The following NUCB1 variants were observed in gnomAD, a reference collection of about 807,000 sequenced individuals.
NUCB1 encodes nucleobindin 1.
A neutral mutation model predicts 61.2 loss-of-function variants in NUCB1; 47 were observed. The ratio of observed to expected loss-of-function variants is 0.77; its 90% CI spans 0.61 to 0.98. NUCB1 has a LOEUF of 0.98. NUCB1 is among the 50% of genes least tolerant of loss of function. NUCB1 has a pLI of 0.00. For missense variants in NUCB1, 583 were observed against 605.3 expected, an observed-to-expected ratio of 0.96 and a Z score of 0.39; for synonymous variants, 234 against 243.1, an observed-to-expected ratio of 0.96 and a Z score of 0.35.
chr19:48,905,161 G>A (rs747054587), intron 3 of NUCB1, among the ~76,000 whole-genome samples: 2 of 152,200 alleles, frequency 1.3e-5, no homozygotes, highest in Admixed American at 6.5e-5. Context: ...GTTTGGAAGA[G>A]CATGGTGACA....
At chr19:48,911,353 G>A (rs2037469929) in intron 5 of NUCB1, 101 bp downstream of exon 5, 3 of 785,772 alleles carry the variant, frequency 3.8e-6, no homozygotes, top group African/African-American at 1.7e-5. Context: ...ATTCCTGCTG[G>A]TGTTCTCTGA....
intron 7 of NUCB1, 97 bp downstream of exon 7, chr19:48,913,661 C>CT: frequency 1.0e-6 from 1 of 998,754 alleles, no homozygotes; most frequent in African/African-American, 1.6e-5. Flanking sequence ...CCCAGGAGGG[C>CT]TTAGTCAGGC....
chr19:48,900,447 G>C (rs1258662627), intron 1 of NUCB1, 75 bp downstream of exon 1: 1 of 298,296 alleles, frequency 3.4e-6, no homozygotes, highest in Non-Finnish European at 6.3e-6. Flanking sequence ...CTGGGTCCCG[G>C]AGGAGGATGC....
At chr19:48,921,361 T>G (rs1199450342) in intron 11 of NUCB1, 37 bp downstream of exon 11, 1 of 1,554,010 alleles carries the variant, frequency 6.4e-7, no homozygotes, top group Admixed American at 1.9e-5. Context: ...CCACTGAATC[T>G]CTGGCTGCCC....
intron 2 of NUCB1, among the ~76,000 whole-genome samples, chr19:48,902,420 C>T (rs868642586): frequency 1.3e-4 from 17 of 130,020 alleles, no homozygotes; most frequent in South Asian, 2.4e-4. Flanking sequence ...TTTCCTTTTT[C>T]TTTTTTTTTT....
chr19:48,907,220 A>C (rs1313925204), intron 4 of NUCB1, among the ~76,000 whole-genome samples: 2 of 144,634 alleles, frequency 1.4e-5, no homozygotes, highest in Non-Finnish European at 3.0e-5. Flanking sequence ...TGATCCGCCC[A>C]CCTCGGCCTC....
At chr19:48,912,979 G>C (rs1309268667) in intron 5 of NUCB1, 32 bp from the exon 6 acceptor site, 1 of 1,551,860 alleles carries the variant, frequency 6.4e-7, no homozygotes, top group South Asian at 1.2e-5. Context: ...GGCAGAGGGG[G>C]CAGAGGGGAA....
At chr19:48,909,933 C>A (rs2037453649) in intron 4 of NUCB1, among the ~76,000 whole-genome samples, 2 of 152,066 alleles carry the variant, frequency 1.3e-5, no homozygotes, top group South Asian at 4.1e-4. Flanking sequence ...CTGTAAAGAC[C>A]TAGTCTCCAA....
chr19:48,911,968 C>T (rs1037299030), intron 5 of NUCB1, among the ~76,000 whole-genome samples: 10 of 151,322 alleles, frequency 6.6e-5, no homozygotes, highest in East Asian at 1.9e-4. Context: ...TAGATTTGAA[C>T]GCTGGGCAAA....
Position 48,922,313 on chromosome 19 carries a change from TCCAGACGATGTACCTGTC to T in NUCB1, c.1280_1297del (p.Asp427_Pro432del). The stretch of plus-strand genomic sequence containing the variant: ...TGTGCCACCATTCCCTCCCTCCATT[TCCAGACGATGTACCTGTC>T]CCAGCTCCAGCCGGTGACCAGAAGG... On this transcript the variant is annotated splice_acceptor_variant and splice_polypyrimidine_tract_variant and coding_sequence_variant and intron_variant, in exon 13 of 13. Coordinates refer to ENST00000405315, the MANE Select transcript of NUCB1 (RefSeq NM_006184.6). LOFTEE classifies it high-confidence loss of function. 2 of 1,612,746 alleles carry T rather than the reference TCCAGACGATGTACCTGTC, an allele frequency of 1.2e-6. No homozygotes were observed. Among genetic ancestry groups the T allele is most frequent in the East Asian group, 2.2e-5 (1 of 44,858 alleles).
chr19:48,900,571 T>G, intron 1 of NUCB1, 199 bp downstream of exon 1: 1 of 594,358 alleles, frequency 1.7e-6, no homozygotes, highest in African/African-American at 1.9e-5. Context: ...GAGAGGAGCG[T>G]GTTGGGAGCC....
intron 5 of NUCB1, among the ~76,000 whole-genome samples, chr19:48,912,059 C>T (rs1396499830): frequency 7.3e-6 from 1 of 137,804 alleles, no homozygotes; most frequent in Non-Finnish European, 1.5e-5. Flanking sequence ...GCGTCTTGCT[C>T]TGATGCCCAG....
At position 48,916,171 on chromosome 19, in the gene NUCB1, C is replaced by CGTGTGTGT. The variant is rs143557740; in HGVS notation, c.758-2534_758-2527dup. Among the ~76,000 whole-genome samples, 333 of 147,788 alleles carry CGTGTGTGT rather than the reference C, an allele frequency of 2.3e-3. 2 individuals carry two copies. The highest frequency in any genetic ancestry group is 7.7e-3 in the African/African-American group (311 of 40,326). On this transcript the variant is annotated intron_variant, in intron 7 of 12. Coordinates refer to ENST00000405315, the MANE Select transcript of NUCB1 (RefSeq NM_006184.6). ...GCAAGTAGAATCTTTTGGTATTTGT[C>CGTGTGTGT]GTGTGTGTGTGTGTGTGTGTGTGTG... is the stretch of plus-strand genomic sequence containing the variant.
Position 48,902,420 on chromosome 19 carries a change from CTTT to C in NUCB1, c.135+1505_135+1507del, listed in dbSNP as rs58758940. Among the ~76,000 whole-genome samples, 50 of 130,012 alleles carry C rather than the reference CTTT, an allele frequency of 3.8e-4. 1 individual carries two copies. Among genetic ancestry groups the C allele is most frequent in the Middle Eastern group, 4.8e-3 (1 of 210 alleles). The allele number at this position is 130,012 out of a possible 152,430, so 85.3% of individuals were successfully genotyped here. On this transcript the variant is annotated intron_variant, in intron 2 of 12. Coordinates refer to ENST00000405315, the MANE Select transcript of NUCB1 (RefSeq NM_006184.6). ...CACCTCATTTTTTCTTTTCCTTTTTCTTTTTTTTTTTTTTTTTTATTTTTGCTG... is the reference window on the plus strand; with the variant it reads ...CACCTCATTTTTTCTTTTCCTTTTTCTTTTTTTTTTTTTTTATTTTTGCTG...
intron 7 of NUCB1, among the ~76,000 whole-genome samples, chr19:48,917,273 C>T (rs1342584565): frequency 1.3e-5 from 2 of 151,954 alleles, no homozygotes; most frequent in Non-Finnish European, 2.9e-5. Flanking sequence ...TCAGGCAGTC[C>T]CTACAGACCA....
chr19:48,919,086 G>T lies in NUCB1; in HGVS notation c.873G>T (p.Glu291Asp), dbSNP rs760463469. 14 of 1,614,054 alleles carry T rather than the reference G, an allele frequency of 8.7e-6. No individual in the cohort carries two copies. Among genetic ancestry groups the T allele is most frequent in the Admixed American group, 6.7e-5 (4 of 59,988 alleles). ...NEEDDMREME[E>D]ERLRMREHVM... Reference sequence around the variant, plus strand: ...AGGACGACATGCGGGAGATGGAGGAGGAGCGACTGCGCATGCGGGAGCATG... The same window carrying T: ...AGGACGACATGCGGGAGATGGAGGATGAGCGACTGCGCATGCGGGAGCATG... Residue 291 changes from glutamate (E) to aspartate (D), a missense_variant, in exon 9 of 13, where the codon GAG becomes GAT. Physicochemically the swap from Glu to Asp is conservative, Grantham distance 45. Coordinates refer to ENST00000405315, the MANE Select transcript of NUCB1 (RefSeq NM_006184.6).
At chr19:48,907,790 G>A (rs1043163657) in intron 4 of NUCB1, among the ~76,000 whole-genome samples, 1 of 152,186 alleles carries the variant, frequency 6.6e-6, no homozygotes, top group African/African-American at 2.4e-5. Flanking sequence ...CCTCTTGTCT[G>A]CTCGGAGCCT....
intron 7 of NUCB1, 118 bp from the exon 8 acceptor site, chr19:48,918,608 C>G (rs1285784130): frequency 2.5e-6 from 2 of 800,074 alleles, no homozygotes; most frequent in Non-Finnish European, 4.4e-6. Flanking sequence ...CCGCGGGAGA[C>G]CCGTAGTTAC....
rs956918832 is a variant in NUCB1, at chr19:48,913,074, C to G, written c.544C>G (p.Leu182Val). 4.3e-6 allele frequency: 7 copies of G among 1,613,684 alleles called. No individual in the cohort carries two copies. The highest frequency in any genetic ancestry group is 5.1e-6 in the Non-Finnish European group (6 of 1,179,952). Reference protein sequence around the residue: ...HHEEFKRYEMLKEHERRRYLE... With the variant: ...HHEEFKRYEMVKEHERRRYLE... ...TGAAGAGTTCAAGCGCTACGAGATG[C>G]TTAAGGAACACGAGAGACGGCGTTA... Residue 182 changes from leucine to valine, a missense_variant, in exon 6 of 13, where the codon CTT becomes GTT. Transcript: ENST00000405315.
Sources: gnomAD v4.1 joint callset for allele counts (sites outside exome capture counted in the v4.1 genomes callset) on GRCh38, gnomAD v4.1.1 for gene constraint, MANE v1.5 for transcripts, NCBI Gene and HGNC (gene_info 2026-07-23, HGNC 2026-07-21) for gene names.